The following RAB11FIP4 variants were observed in gnomAD, a reference collection of about 807,000 sequenced individuals.
The protein encoded by RAB11FIP4 is RAB11 family interacting protein 4.
RAB11FIP4 carries 23 observed loss-of-function variants against 74.3 expected under a neutral mutation model. That is an observed-to-expected ratio of 0.31 (90% CI 0.22 to 0.44). The LOEUF (loss-of-function observed/expected upper bound fraction) is 0.44, where lower values mean the gene tolerates loss of function less well. RAB11FIP4 is among the 20% of genes least tolerant of loss of function. The pLI, the probability that RAB11FIP4 is intolerant of heterozygous loss-of-function variation, is 1.00. For missense variants in RAB11FIP4, 630 were observed against 863.9 expected, an observed-to-expected ratio of 0.73 and a Z score of 3.39; for synonymous variants, 360 against 359.9, an observed-to-expected ratio of 1.00 and a Z score of 0.00.
chr17:31,400,655 G>C (rs996225673), intron 1 of RAB11FIP4, among the ~76,000 whole-genome samples: 4 of 152,224 alleles, frequency 2.6e-5, no homozygotes, highest in Non-Finnish European at 5.9e-5. Flanking sequence ...AGCAGTGGCT[G>C]GATCTTGAAA....
intron 3 of RAB11FIP4, among the ~76,000 whole-genome samples, chr17:31,511,668 G>A (rs2072454481): frequency 6.6e-6 from 1 of 152,250 alleles, no homozygotes; most frequent in South Asian, 2.1e-4. Context: ...GCTGGCGTGT[G>A]CCTGTGAGGT....
chr17:31,519,567 G>A (rs1035405282), intron 4 of RAB11FIP4, among the ~76,000 whole-genome samples: 3 of 152,110 alleles, frequency 2.0e-5, no homozygotes, highest in Non-Finnish European at 2.9e-5. Context: ...AGCCGAGGGG[G>A]TTGCAAGTGG....
intron 10 of RAB11FIP4, chr17:31,527,103 T>C (rs2072779557): frequency 1.3e-5 from 2 of 152,274 alleles, no homozygotes; most frequent in Admixed American, 1.3e-4. Context: ...GAGCCCTGGA[T>C]GAGATGCTGT....
rs2072927648 is a variant in RAB11FIP4, at chr17:31,534,608, A to C, written c.*2876A>C. 6.6e-6 allele frequency: 1 copy of C among 152,154 alleles called. No individual in the cohort carries two copies. The highest frequency in any genetic ancestry group is 2.4e-5 in the African/African-American group (1 of 41,420). The allele number at this position is 152,154 out of a possible 1,614,324, so 9.4% of individuals were successfully genotyped here. A position where few individuals can be genotyped will look rare whatever the true frequency, so the allele number is the denominator to read the frequency against. On this transcript the variant is annotated 3_prime_UTR_variant, in exon 15 of 15. Coordinates refer to ENST00000621161, the MANE Select transcript of RAB11FIP4 (RefSeq NM_032932.6). Reference sequence around the variant, plus strand: ...AGATTTTAAAAATTCTGATGATTAGACTGAATCCTCAGACGTTCTGGTTTG... The same window carrying C: ...AGATTTTAAAAATTCTGATGATTAGCCTGAATCCTCAGACGTTCTGGTTTG...
chr17:31,397,710 C>T (rs1484696297), intron 1 of RAB11FIP4, among the ~76,000 whole-genome samples: 1 of 152,048 alleles, frequency 6.6e-6, no homozygotes. Context: ...TCCCTTGGGG[C>T]CTGGGGATGG....
intron 4 of RAB11FIP4, among the ~76,000 whole-genome samples, chr17:31,519,524 G>T (rs1023796193): frequency 2.6e-5 from 4 of 152,194 alleles, no homozygotes; most frequent in Admixed American, 2.6e-4. Context: ...GTGCTGTGGG[G>T]TGGTGGGAAG....
intron 1 of RAB11FIP4, among the ~76,000 whole-genome samples, chr17:31,406,378 C>T (rs2071041861): frequency 6.6e-6 from 1 of 152,184 alleles, no homozygotes; most frequent in Non-Finnish European, 1.5e-5. Context: ...GGGTGGAATC[C>T]AGGGCCTGTC....
intron 13 of RAB11FIP4, among the ~76,000 whole-genome samples, chr17:31,529,186 TTCCTGGGC>T (rs2072825116): frequency 6.6e-6 from 1 of 150,942 alleles, no homozygotes; most frequent in Non-Finnish European, 1.5e-5. Flanking sequence ...CAGCCTTGAA[TTCCTGGGC>T]TCAGGTGATC....
At chr17:31,499,436 A>G (rs1420851979) in intron 3 of RAB11FIP4, among the ~76,000 whole-genome samples, 1 of 151,498 alleles carries the variant, frequency 6.6e-6, no homozygotes, top group Non-Finnish European at 1.5e-5. Flanking sequence ...GCTCACTGCA[A>G]CCTCCTACTC....
chr17:31,452,855 C>G (rs1178850458), intron 3 of RAB11FIP4, among the ~76,000 whole-genome samples: 1 of 152,250 alleles, frequency 6.6e-6, no homozygotes, highest in East Asian at 1.9e-4. Flanking sequence ...GCTGTTTCCT[C>G]TCTGTGCACC....
At chr17:31,462,878 C>A (rs556475688) in intron 3 of RAB11FIP4, among the ~76,000 whole-genome samples, 1 of 152,130 alleles carries the variant, frequency 6.6e-6, no homozygotes, top group African/African-American at 2.4e-5. Context: ...TCAAATGATC[C>A]GCCCGCCTCG....
At position 31,458,649 on chromosome 17, in the gene RAB11FIP4, G is replaced by A. The variant is rs567173607; in HGVS notation, c.336+24527G>A. Among the ~76,000 whole-genome samples the A allele has an allele frequency of 4.6e-5, 7 of 152,276 alleles. No homozygotes were observed. In the South Asian group the frequency reaches 1.2e-3, roughly 27 times the overall value. ...CTTCCTGGCTGTGGGGCTTCTGGGGGTCTTCAAAATGCTCATGTGCACCTC... is the reference window on the plus strand; with the variant it reads ...CTTCCTGGCTGTGGGGCTTCTGGGGATCTTCAAAATGCTCATGTGCACCTC... On this transcript the variant is annotated intron_variant, in intron 3 of 14. Coordinates refer to ENST00000621161, the MANE Select transcript of RAB11FIP4 (RefSeq NM_032932.6).
intron 3 of RAB11FIP4, among the ~76,000 whole-genome samples, chr17:31,474,872 A>C (rs2071775038): frequency 8.1e-6 from 1 of 123,454 alleles, no homozygotes; most frequent in Non-Finnish European, 1.8e-5. Flanking sequence ...AAACAAAACA[A>C]AACAAAAAAC....
intron 3 of RAB11FIP4, among the ~76,000 whole-genome samples, chr17:31,462,932 A>G (rs178878): frequency 0.62 from 94,995 of 152,018 alleles, 30,288 homozygotes; most frequent in Non-Finnish European, 0.69. Flanking sequence ...CACCGCGCCC[A>G]GCCTCATACC....
At chr17:31,392,168 G>A (rs2070880190) in intron 1 of RAB11FIP4, 157 bp downstream of exon 1, 1 of 554,618 alleles carries the variant, frequency 1.8e-6, no homozygotes, top group East Asian at 3.9e-5. Context: ...GCCCCCCCCG[G>A]GTATCCCTGG....
At chr17:31,510,362 C>G (rs1000567422) in intron 3 of RAB11FIP4, among the ~76,000 whole-genome samples, 5 of 152,356 alleles carry the variant, frequency 3.3e-5, no homozygotes, top group Admixed American at 3.3e-4. Context: ...CCACCCCCAC[C>G]GCACACATGC....
rs1417044541 is a variant in RAB11FIP4, at chr17:31,485,157, C to CGG, written c.337-32494_337-32493insGG. The stretch of plus-strand genomic sequence containing the variant: ...AGAGGAAATGTCTTATTTCCATTTT[C>CGG]TAGAGGTAGAGACTGAGGCTCCAAA... On this transcript the variant is annotated intron_variant, in intron 3 of 14. Coordinates refer to ENST00000621161, the MANE Select transcript of RAB11FIP4 (RefSeq NM_032932.6). Among the ~76,000 whole-genome samples the CGG allele has an allele frequency of 4.6e-5, 7 of 152,318 alleles. No individual in the cohort carries two copies. The East Asian group carries it at 1.3e-3, about 29-fold the overall frequency.
At chr17:31,442,269 G>T (rs2071413644) in intron 3 of RAB11FIP4, among the ~76,000 whole-genome samples, 1 of 152,168 alleles carries the variant, frequency 6.6e-6, no homozygotes, top group African/African-American at 2.4e-5. Context: ...AAAGTGCTGG[G>T]ATTACAGGCG....
chr17:31,429,552 C>T (rs1597912007), intron 1 of RAB11FIP4, among the ~76,000 whole-genome samples: 2 of 152,314 alleles, frequency 1.3e-5, no homozygotes, highest in Non-Finnish European at 2.9e-5. Flanking sequence ...CCTGGCTGGG[C>T]GTGGTGGATC....
Sources: allele counts gnomAD v4.1 joint callset (sites outside exome capture counted in the v4.1 genomes callset), GRCh38; gene constraint gnomAD v4.1.1; transcripts MANE v1.5; gene names NCBI Gene and HGNC (gene_info 2026-07-23, HGNC 2026-07-21).